Variants in SPDYE18 observed in about 807,000 individuals in gnomAD.
SPDYE18 encodes the protein speedy/RINGO cell cycle regulator family member E18.
A neutral mutation model predicts 44.9 loss-of-function variants in SPDYE18; 6 were observed. The observed-to-expected ratio is 0.13, with a 90% CI of 0.07 to 0.26. The LOEUF (loss-of-function observed/expected upper bound fraction) is 0.26, where lower values mean the gene tolerates loss of function less well. Ranked by LOEUF, SPDYE18 falls within the 10% of genes least tolerant of loss-of-function variation. The probability of loss-of-function intolerance (pLI) is 1.00; values close to 1 mark genes in which losing one functional copy is unlikely to be tolerated. For synonymous variants in SPDYE18, 35 were observed against 177.1 expected (o/e 0.20, Z 6.37); for missense variants, 121 against 463.2 (o/e 0.26, Z 6.78).
In SPDYE18 at chr7:77,060,482, T is replaced by C. The variant is rs1197936164; in HGVS notation, c.31A>G (p.Arg11Gly). The change falls in exon 2 of 9, where the codon AGG becomes GGG. Residue 11 changes from arginine (R) to glycine (G), a missense_variant. Coordinates refer to ENST00000510091, the MANE Select transcript of SPDYE18 (RefSeq NM_001394953.1). MDRTKTRFRK[R>G]GQITGKITTS... is the part of the protein sequence containing the mutation. ...GTGATCTTTCCCGTAATCTGTCCCC[T>C]CTTACGGAACCTAGTCTTCGTTCTG... 7 of 1,535,148 alleles carry C rather than the reference T, an allele frequency of 4.6e-6. No homozygotes were observed. The highest frequency in any genetic ancestry group is 6.1e-6 in the Non-Finnish European group (7 of 1,146,792).
chr7:77,058,116 CTTTTTTTTT>C (rs375559743), intron 3 of SPDYE18, among the ~76,000 whole-genome samples: 26 of 62,224 alleles, frequency 4.2e-4, no homozygotes, highest in Admixed American at 1.3e-3. Flanking sequence ...CTCTGAGTCT[CTTTTTTTTT>C]TTTTTTTTTT....
chr7:77,053,265 C>A (rs1488197622), intron 6 of SPDYE18, 62 bp from the exon 7 acceptor site: 11 of 1,603,098 alleles, frequency 6.9e-6, no homozygotes, highest in Non-Finnish European at 9.3e-6. Flanking sequence ...CGGCTGAGGT[C>A]AGCTTCCCAG....
rs1222651260 is a variant in SPDYE18, at chr7:77,051,043, C to T, written c.*882G>A. 6.6e-6 allele frequency among the ~76,000 whole-genome samples: 1 copy of T among 151,896 alleles called. No individual in the cohort carries two copies. Among genetic ancestry groups the T allele is most frequent in the Non-Finnish European group, 1.5e-5 (1 of 67,956 alleles). ...TATATATCTGAGACATGTTAAAAAT[C>T]ACAACTGAATTCTCACAATTCAGTC... On this transcript the variant is annotated 3_prime_UTR_variant, in exon 9 of 9. Transcript: ENST00000510091.
chr7:77,054,891 C>T (rs1219422872), intron 6 of SPDYE18, among the ~76,000 whole-genome samples: 1 of 152,192 alleles, frequency 6.6e-6, no homozygotes. Context: ...CCTCAGCCTC[C>T]CAAGTAGCTG....
intron 6 of SPDYE18, among the ~76,000 whole-genome samples, chr7:77,054,740 T>A (rs1356952960): frequency 6.7e-6 from 1 of 148,968 alleles, no homozygotes; most frequent in African/African-American, 2.4e-5. Flanking sequence ...CTTTTATTTG[T>A]ACACTGGCAT....
chr7:77,057,288 G>A (rs1171142925), intron 4 of SPDYE18, among the ~76,000 whole-genome samples: 2 of 151,700 alleles, frequency 1.3e-5, no homozygotes, highest in Non-Finnish European at 3.0e-5. Context: ...GTTTTGCTCT[G>A]TCACCCAGGC....
intron 4 of SPDYE18, 126 bp downstream of exon 4, chr7:77,057,511 C>T (rs1191793615): frequency 1.7e-6 from 1 of 591,560 alleles, no homozygotes; most frequent in Non-Finnish European, 3.0e-6. Flanking sequence ...GATCACTTCA[C>T]ATTCCTCCCA....
rs1412275766 is a variant in SPDYE18, at chr7:77,060,023, CTTTTCTTTTTTT to C, written c.160+318_160+329del. Among the ~76,000 whole-genome samples, 103 of 98,950 alleles carry C rather than the reference CTTTTCTTTTTTT, an allele frequency of 1.0e-3. 3 individuals are homozygous for C. The highest frequency in any genetic ancestry group is 1.3e-3 in the East Asian group (6 of 4,496). The allele number at this position is 98,950 out of a possible 152,430, so 64.9% of individuals were successfully genotyped here. A position where few individuals can be genotyped will look rare whatever the true frequency, so the allele number is the denominator to read the frequency against. On this transcript the variant is annotated intron_variant, in intron 2 of 8. Transcript: ENST00000510091. Reference sequence around the variant, plus strand: ...ACCGCTGACCCTTCTTTTCTTTTTTCTTTTCTTTTTTTTTTTTTTTGGAGTGCAGTAGCGTGA... The same window carrying C: ...ACCGCTGACCCTTCTTTTCTTTTTTCTTTTTTTTGGAGTGCAGTAGCGTGA...
chr7:77,057,151 C>T (rs1789937263), intron 4 of SPDYE18, among the ~76,000 whole-genome samples: 1 of 152,260 alleles, frequency 6.6e-6, no homozygotes, highest in African/African-American at 2.4e-5. Flanking sequence ...AATGCAGTGG[C>T]CTGATCTTGG....
In SPDYE18 at chr7:77,058,512, T is replaced by TTA. The variant is rs1397526463; in HGVS notation, c.380-646_380-645insTA. Among the ~76,000 whole-genome samples the TTA allele has an allele frequency of 8.2e-5, 10 of 122,602 alleles. 1 individual carries two copies. The highest frequency in any genetic ancestry group is 1.5e-4 in the African/African-American group (5 of 34,176). The allele number at this position is 122,602 out of a possible 152,430, so 80.4% of individuals were successfully genotyped here. ...GCCCTTCCTTCCTTCTTTTTTTTTTTTTTTTTTTTTTTGAGACAGCGTCTC... is the reference window on the plus strand; with the variant it reads ...GCCCTTCCTTCCTTCTTTTTTTTTTTTATTTTTTTTTTTTGAGACAGCGTCTC... On this transcript the variant is annotated intron_variant, in intron 3 of 8. Coordinates refer to ENST00000510091, the MANE Select transcript of SPDYE18 (RefSeq NM_001394953.1).
chr7:77,052,159 C>A (rs568800565), intron 8 of SPDYE18, among the ~76,000 whole-genome samples: 23 of 144,252 alleles, frequency 1.6e-4, no homozygotes, highest in African/African-American at 5.0e-4. Flanking sequence ...GAGTAGGGCA[C>A]CCTCAGAGAA....
At position 77,051,247 on chromosome 7, in the gene SPDYE18, A is replaced by G. The variant is rs1205399478; in HGVS notation, c.*678T>C. ...CAAATTTAAAGATAATAAAATATTT[A>G]GGATAAAAAGAATTGTCTCTTAAAA... is the stretch of plus-strand genomic sequence containing the variant. On this transcript the variant is annotated 3_prime_UTR_variant, in exon 9 of 9. Coordinates refer to ENST00000510091, the MANE Select transcript of SPDYE18 (RefSeq NM_001394953.1). 1.3e-5 allele frequency among the ~76,000 whole-genome samples: 2 copies of G among 152,232 alleles called. No homozygotes were observed. Among genetic ancestry groups the G allele is most frequent in the Non-Finnish European group, 2.9e-5 (2 of 68,044 alleles).
At chr7:77,052,407 T>TC (rs1450195757) in intron 8 of SPDYE18, among the ~76,000 whole-genome samples, 3 of 152,190 alleles carry the variant, frequency 2.0e-5, no homozygotes, top group Non-Finnish European at 4.4e-5. Flanking sequence ...CTCAAGTGCG[T>TC]CAATCATAAT....
At chr7:77,054,722 G>C (rs2117316706) in intron 6 of SPDYE18, among the ~76,000 whole-genome samples, 1 of 148,928 alleles carries the variant, frequency 6.7e-6, no homozygotes, top group South Asian at 2.1e-4. Flanking sequence ...GGTTCCTTTT[G>C]TTTTATTCTT....
intron 1 of SPDYE18, among the ~76,000 whole-genome samples, chr7:77,062,065 T>C (rs981674898): frequency 1.5e-5 from 2 of 136,638 alleles, no homozygotes; most frequent in African/African-American, 5.2e-5. Context: ...GGTGCGCAGG[T>C]TGCAGGGAGC....
In SPDYE18 at chr7:77,058,549, C is replaced by T. The variant is rs1265452771; in HGVS notation, c.379+631G>A. Among the ~76,000 whole-genome samples the T allele has an allele frequency of 2.2e-4, 32 of 143,130 alleles. No individual in the cohort carries two copies. The East Asian group carries it at 6.3e-3, about 28-fold the overall frequency. The allele number at this position is 143,130 out of a possible 152,430, so 93.9% of individuals were successfully genotyped here. A position where few individuals can be genotyped will look rare whatever the true frequency, so the allele number is the denominator to read the frequency against. The stretch of plus-strand genomic sequence containing the variant: ...TGAGACAGCGTCTCACTCTCTCACC[C>T]AGAATGGAATGCAGTGGCGCTATCT... On this transcript the variant is annotated intron_variant, in intron 3 of 8. Transcript: ENST00000510091.
At chr7:77,059,854 T>TG (rs1284017402) in intron 2 of SPDYE18, among the ~76,000 whole-genome samples, 2 of 147,492 alleles carry the variant, frequency 1.4e-5, no homozygotes, top group Admixed American at 1.4e-4. Context: ...TTCACCATGT[T>TG]GGCCAGGCTG....
At chr7:77,057,236 A>G (rs1343787310) in intron 4 of SPDYE18, among the ~76,000 whole-genome samples, 9 of 152,094 alleles carry the variant, frequency 5.9e-5, no homozygotes, top group Non-Finnish European at 1.0e-4. Flanking sequence ...GATTACATGC[A>G]TGAGCTACTG....
intron 6 of SPDYE18, among the ~76,000 whole-genome samples, chr7:77,053,548 A>G (rs1387163939): frequency 2.6e-5 from 4 of 152,270 alleles, no homozygotes; most frequent in Non-Finnish European, 4.4e-5. Context: ...TATTAAAAAT[A>G]TAAGAAATAT....
Sources: gnomAD v4.1 joint callset for allele counts (sites outside exome capture counted in the v4.1 genomes callset) on GRCh38, gnomAD v4.1.1 for gene constraint, MANE v1.5 for transcripts, NCBI Gene and HGNC (gene_info 2026-07-23, HGNC 2026-07-21) for gene names.